Variants in RGSL1 observed in about 807,000 individuals in gnomAD.
The protein encoded by RGSL1 is regulator of G protein signaling like 1, also known as regulator of G protein signaling protein-like.
A neutral mutation model predicts 124.7 loss-of-function variants in RGSL1; 97 were observed. The ratio of observed to expected loss-of-function variants is 0.78; its 90% CI spans 0.66 to 0.92. The LOEUF is 0.92. RGSL1 is among the 40% of genes least tolerant of loss of function. The pLI is 0.00. For missense variants in RGSL1, 1,233 were observed against 1,288.4 expected (o/e 0.96, Z 0.66); for synonymous variants, 424 against 438.1 (o/e 0.97, Z 0.40).
chr1:182,493,196 A>G, intron 9 of RGSL1, 67 bp downstream of exon 9: 4 of 1,115,438 alleles, frequency 3.6e-6, no homozygotes, highest in South Asian at 2.7e-5. Context: ...AAAATCTGTA[A>G]TCTTGTGTTC....
chr1:182,537,091 A>G (rs1483186691), intron 14 of RGSL1, among the ~76,000 whole-genome samples: 2 of 152,144 alleles, frequency 1.3e-5, no homozygotes, highest in Non-Finnish European at 2.9e-5. Flanking sequence ...CTCTCAGTTG[A>G]TGGCTTGCTT....
At chr1:182,530,650 G>C in intron 12 of RGSL1, 140 bp from the exon 13 acceptor site, 1 of 993,954 alleles carries the variant, frequency 1.0e-6, no homozygotes, top group Non-Finnish European at 1.4e-6. Context: ...GATAGAGTAA[G>C]AAGAGAATTT....
Position 182,493,113 on chromosome 1 carries a change from G to C in RGSL1, c.1809G>C (p.Glu603Asp). The change falls in exon 9 of 22, where the codon GAG becomes GAC. Residue 603 changes from glutamate (E) to aspartate (D), a missense_variant. By Grantham distance (45) the Glu-to-Asp change is conservative. Transcript: ENST00000294854. ...KISDDYKIYC[E>D]KAPKIDFKME... ...GTGATGACTACAAAATATACTGTGA[G>C]AAAGCACCTAAAATAGGCAAGTGTT... The C allele has an allele frequency of 6.5e-7, 1 of 1,550,274 alleles. No individual in the cohort carries two copies. Among genetic ancestry groups the C allele is most frequent in the Non-Finnish European group, 8.7e-7 (1 of 1,145,830 alleles).
chr1:182,546,058 T>C (rs1250545330), intron 15 of RGSL1, among the ~76,000 whole-genome samples: 1 of 152,216 alleles, frequency 6.6e-6, no homozygotes, highest in Non-Finnish European at 1.5e-5. Flanking sequence ...TTAGATTTGC[T>C]CTTTTGAAGT....
chr1:182,491,583 C>T (rs1397224772), intron 8 of RGSL1, among the ~76,000 whole-genome samples: 1 of 152,082 alleles, frequency 6.6e-6, no homozygotes, highest in East Asian at 1.9e-4. Context: ...GGTTGCTCAG[C>T]AAGGAAGGAA....
At chr1:182,450,303 A>G (rs1571442283) in intron 1 of RGSL1, 125 bp downstream of exon 1, 2 of 1,059,736 alleles carry the variant, frequency 1.9e-6, no homozygotes, top group East Asian at 2.6e-5. Context: ...TGTGTTATTC[A>G]TGCCTTTGTT....
At chr1:182,451,502 A>G (rs561178923) in intron 1 of RGSL1, among the ~76,000 whole-genome samples, 24 of 116,112 alleles carry the variant, frequency 2.1e-4, no homozygotes, top group African/African-American at 4.5e-4. Context: ...AAACATTTGA[A>G]GCAATGGGAA....
At chr1:182,485,871 A>G (rs973884000) in intron 6 of RGSL1, among the ~76,000 whole-genome samples, 12 of 152,268 alleles carry the variant, frequency 7.9e-5, no homozygotes, top group Admixed American at 2.6e-4. Context: ...ATGAAATTCA[A>G]ATTTTAGTGT....
chr1:182,495,402 A>T (rs1445921824), intron 9 of RGSL1, among the ~76,000 whole-genome samples: 1 of 152,140 alleles, frequency 6.6e-6, no homozygotes, highest in Admixed American at 6.5e-5. Context: ...CAATACAAAG[A>T]TCTCCACATG....
intron 13 of RGSL1, among the ~76,000 whole-genome samples, chr1:182,531,222 G>A (rs556712437): frequency 8.5e-5 from 13 of 152,174 alleles, no homozygotes; most frequent in Middle Eastern, 3.4e-3. Flanking sequence ...CTGGTCTAAC[G>A]GAACAACTTA....
chr1:182,466,655 A>G (rs1382070502), intron 4 of RGSL1, among the ~76,000 whole-genome samples: 2 of 152,146 alleles, frequency 1.3e-5, no homozygotes, highest in African/African-American at 4.8e-5. Flanking sequence ...AAAACTACAA[A>G]ACATTGCTGA....
chr1:182,527,085 T>C (rs908626104), intron 10 of RGSL1, among the ~76,000 whole-genome samples: 2 of 151,838 alleles, frequency 1.3e-5, no homozygotes, highest in African/African-American at 4.8e-5. Flanking sequence ...TCAATAAAAA[T>C]TGAAATCACA....
At chr1:182,511,667 A>G (rs185017412) in intron 9 of RGSL1, among the ~76,000 whole-genome samples, 3 of 152,248 alleles carry the variant, frequency 2.0e-5, no homozygotes, top group Admixed American at 1.3e-4. Flanking sequence ...TAAATTTTGA[A>G]ACCAGGTAGT....
chr1:182,488,251 A>G, intron 6 of RGSL1, 34 bp from the exon 7 acceptor site: 1 of 1,546,300 alleles, frequency 6.5e-7, no homozygotes, highest in South Asian at 1.2e-5. Flanking sequence ...CTGACCATCC[A>G]CCTCATAATG....
chr1:182,481,267 T>TA (rs1310445130), intron 6 of RGSL1, among the ~76,000 whole-genome samples: 1 of 152,074 alleles, frequency 6.6e-6, no homozygotes, highest in Non-Finnish European at 1.5e-5. Context: ...GAAAAGATGT[T>TA]ACAATTTATT....
chr1:182,500,692 A>T (rs768738509), intron 9 of RGSL1, among the ~76,000 whole-genome samples: 2 of 152,088 alleles, frequency 1.3e-5, no homozygotes, highest in Non-Finnish European at 2.9e-5. Context: ...TGTAATTTTT[A>T]GTTTACAAGT....
chr1:182,530,162 A>G, intron 11 of RGSL1, 82 bp from the exon 12 acceptor site: 1 of 1,003,002 alleles, frequency 1.0e-6, no homozygotes, highest in African/African-American at 1.7e-5. Flanking sequence ...CTCTAAGATA[A>G]AAAAAAAAAA....
chr1:182,470,653 G>T (rs2102028591), intron 4 of RGSL1, among the ~76,000 whole-genome samples: 1 of 152,046 alleles, frequency 6.6e-6, no homozygotes, highest in Middle Eastern at 3.4e-3. Context: ...TATTTATTAT[G>T]CTTATTGTGT....
At chr1:182,538,895 G>T (rs1659715574) in intron 14 of RGSL1, among the ~76,000 whole-genome samples, 1 of 152,026 alleles carries the variant, frequency 6.6e-6, no homozygotes, top group South Asian at 2.1e-4. Context: ...CTGCAAGAAA[G>T]ACCAATAGTA....
Sources: allele counts gnomAD v4.1 joint callset (sites outside exome capture counted in the v4.1 genomes callset), GRCh38; gene constraint gnomAD v4.1.1; transcripts MANE v1.5; gene names NCBI Gene and HGNC (gene_info 2026-07-23, HGNC 2026-07-21).